UNC79: variants seen among roughly 807,000 people sequenced by gnomAD.
The protein encoded by UNC79 is protein unc-79 homolog.
UNC79 carries 37 observed loss-of-function variants against 283.1 expected under a neutral mutation model. The observed-to-expected ratio is 0.13, with a 90% CI of 0.10 to 0.17. UNC79 has a LOEUF of 0.17. UNC79 is among the 10% of genes least tolerant of loss of function. The pLI is 1.00. For synonymous variants in UNC79, 1,107 were observed against 1,200.2 expected (o/e 0.92, Z 1.61); for missense variants, 2,272 against 3,211.1 (o/e 0.71, Z 7.07).
At chr14:93,495,331 G>A (rs937396715) in intron 5 of UNC79, among the ~76,000 whole-genome samples, 6 of 152,214 alleles carry the variant, frequency 3.9e-5, no homozygotes, top group African/African-American at 9.6e-5. Flanking sequence ...GTGGCAGCAA[G>A]TGCAGGGAAA....
exon 9 of UNC79, chr14:93,528,626 A>G: frequency 6.2e-7 from 1 of 1,613,930 alleles, no homozygotes; most frequent in Admixed American, 1.7e-5. Flanking sequence ...TCTGTGAAGA[A>G]TGCAGCGAGA....
In UNC79 at chr14:93,450,092, A is replaced by G. The variant is rs375167820; in HGVS notation, c.23-17579A>G. Among the ~76,000 whole-genome samples, 13 of 152,296 alleles carry G rather than the reference A, an allele frequency of 8.5e-5. No individual in the cohort carries two copies. The East Asian group carries it at 2.1e-3, about 25-fold the overall frequency. On this transcript the variant is annotated intron_variant, in intron 1 of 48. Transcript: ENST00000555664. ...AGTCAGAAGTGAGTCCTGGGAAAGAAGGAGTTCATCCCAGTTGAGGCTTTG... is the reference window on the plus strand; with the variant it reads ...AGTCAGAAGTGAGTCCTGGGAAAGAGGGAGTTCATCCCAGTTGAGGCTTTG...
chr14:93,595,626 GCC>G (rs2065024486), intron 23 of UNC79, among the ~76,000 whole-genome samples: 1 of 151,886 alleles, frequency 6.6e-6, no homozygotes, highest in African/African-American at 2.4e-5. Flanking sequence ...TTCCTTTAAG[GCC>G]CTACACAAAT....
rs544729071 is a variant in UNC79, at chr14:93,486,499, C to G, written c.620-1164C>G. On this transcript the variant is annotated intron_variant, in intron 4 of 48. Coordinates refer to ENST00000555664, the Ensembl canonical transcript of UNC79. Reference sequence around the variant, plus strand: ...GTGAAACCCATCTCTTCTAAAAATACAAAAATTAGCCGGGTGTGGGGGCAG... The same window carrying G: ...GTGAAACCCATCTCTTCTAAAAATAGAAAAATTAGCCGGGTGTGGGGGCAG... Among the ~76,000 whole-genome samples the G allele has an allele frequency of 1.3e-4, 20 of 151,646 alleles. No individual in the cohort carries two copies. In the South Asian group the frequency reaches 1.5e-3, roughly 11 times the overall value.
At chr14:93,491,591 A>G (rs557755291) in intron 5 of UNC79, among the ~76,000 whole-genome samples, 1 of 152,328 alleles carries the variant, frequency 6.6e-6, no homozygotes, top group South Asian at 2.1e-4. Flanking sequence ...GTCCTCATCT[A>G]TAAAATGGAA....
At chr14:93,631,018 G>A (rs1055751997) in intron 31 of UNC79, 110 bp downstream of exon 33, 3 of 1,005,186 alleles carry the variant, frequency 3.0e-6, no homozygotes, top group South Asian at 1.5e-5. Flanking sequence ...TTTTAATGTT[G>A]CATCAGCTTC....
At chr14:93,426,333 C>T (rs753922354), upstream of UNC79, among the ~76,000 whole-genome samples, 37 of 151,560 alleles carry the variant, frequency 2.4e-4, no homozygotes, top group Non-Finnish European at 4.6e-4. Context: ...ATTTTTCCTG[C>T]TTGGGGGTTT....
intron 5 of UNC79, among the ~76,000 whole-genome samples, chr14:93,493,895 A>AT (rs1294529990): frequency 1.5e-3 from 53 of 35,532 alleles, no homozygotes; most frequent in African/African-American, 3.4e-3. Flanking sequence ...ATATATATAT[A>AT]TATATATTTT....
chr14:93,690,788 C>A lies in UNC79; in HGVS notation c.7272+485C>A. ...AAAGCACACATTGGCATGACCTACA[C>A]AGGGGAACTTTGTAAATTGCAGAGA... On this transcript the variant is annotated intron_variant, in intron 45 of 48. Coordinates refer to ENST00000555664, the Ensembl canonical transcript of UNC79. The surrounding 1 kb of genome is among the most constrained non-coding windows in gnomAD (Gnocchi z 4.3). The A allele has an allele frequency of 6.3e-6, 1 of 157,746 alleles. No individual in the cohort carries two copies. Among genetic ancestry groups the A allele is most frequent in the Non-Finnish European group, 1.4e-5 (1 of 71,604 alleles). The allele number at this position is 157,746 out of a possible 1,614,324, so 9.8% of individuals were successfully genotyped here.
intron 30 of UNC79, among the ~76,000 whole-genome samples, chr14:93,629,995 G>T (rs2067893002): frequency 6.6e-6 from 1 of 152,204 alleles, no homozygotes; most frequent in African/African-American, 2.4e-5. Context: ...TAGTTACCTA[G>T]AATAATGTGG....
chr14:93,467,655 T>A lies in UNC79; in HGVS notation c.23-16T>A. On this transcript the variant is annotated splice_polypyrimidine_tract_variant and intron_variant, in intron 1 of 48. Coordinates refer to ENST00000555664, the Ensembl canonical transcript of UNC79. ...TTTTTTTTTTTTTTTTTTTTTTTTTTTTTGCTTTTATCTAGTTGCTTCCAA... is the reference window on the plus strand; with the variant it reads ...TTTTTTTTTTTTTTTTTTTTTTTTTATTTGCTTTTATCTAGTTGCTTCCAA... 8.6e-7 allele frequency: 1 copy of A among 1,157,452 alleles called. No homozygotes were observed. The highest frequency in any genetic ancestry group is 1.1e-6 in the Non-Finnish European group (1 of 943,396). The allele number at this position is 1,157,452 out of a possible 1,614,324, so 71.7% of individuals were successfully genotyped here. A position where few individuals can be genotyped will look rare whatever the true frequency, so the allele number is the denominator to read the frequency against.
chr14:93,667,704 A>T (rs781416898), intron 40 of UNC79, among the ~76,000 whole-genome samples: 6 of 152,220 alleles, frequency 3.9e-5, no homozygotes, highest in African/African-American at 7.2e-5. Context: ...TAGAATTTTG[A>T]TATCAACCAG....
intron 2 of UNC79, among the ~76,000 whole-genome samples, chr14:93,472,099 A>G (rs2057541659): frequency 6.6e-6 from 1 of 152,126 alleles, no homozygotes; most frequent in Non-Finnish European, 1.5e-5. Context: ...TACCACTTCT[A>G]TAAGATTCAC....
chr14:93,688,347 A>G lies in UNC79; in HGVS notation c.6910-318A>G, dbSNP rs2074410337. 6.6e-6 allele frequency among the ~76,000 whole-genome samples: 1 copy of G among 152,128 alleles called. No individual in the cohort carries two copies. On this transcript the variant is annotated intron_variant, in intron 43 of 48. Transcript: ENST00000555664. This position sits in a 1 kb window ranked among gnomAD's most constrained non-coding sequence, Gnocchi z 4.0. ...GTTACATTTGAGCTAAAACCTGAAC[A>G]ATTAGGTGAAGAGAGGCAGGAATGG...
Position 93,466,788 on chromosome 14 carries a change from T to C in UNC79, c.23-883T>C, listed in dbSNP as rs905173788. The C allele has an allele frequency of 1.1e-5, 10 of 931,706 alleles. No homozygotes were observed. In the African/African-American group the frequency reaches 1.6e-4, roughly 15 times the overall value. The allele number at this position is 931,706 out of a possible 1,614,324, so 57.7% of individuals were successfully genotyped here. The stretch of plus-strand genomic sequence containing the variant: ...TGTGGAAGAGGAGACCAGAGAGACG[T>C]TGATCATCATGGCTCCTTGGGATTT... On this transcript the variant is annotated intron_variant, in intron 1 of 48. Transcript: ENST00000555664.
intron 3 of UNC79, among the ~76,000 whole-genome samples, chr14:93,476,187 C>T (rs1471414442): frequency 6.6e-6 from 1 of 152,090 alleles, no homozygotes; most frequent in African/African-American, 2.4e-5. Flanking sequence ...AGCCGCTGCA[C>T]TAAGACCGGA....
At chr14:93,402,108 T>A (rs975117161) in intron 1 of UNC79, among the ~76,000 whole-genome samples, 2 of 151,832 alleles carry the variant, frequency 1.3e-5, no homozygotes, top group African/African-American at 4.8e-5. Context: ...TGAAACCCCA[T>A]CTCCACTAAA....
chr14:93,671,453 A>G (rs2140614690), intron 40 of UNC79, among the ~76,000 whole-genome samples: 1 of 152,236 alleles, frequency 6.6e-6, no homozygotes, highest in Middle Eastern at 3.4e-3. Flanking sequence ...CAGAATATAC[A>G]AGGAACTCAA....
chr14:93,353,489 T>C (rs2139918822), intron 1 of UNC79, among the ~76,000 whole-genome samples: 1 of 152,376 alleles, frequency 6.6e-6, no homozygotes, highest in East Asian at 1.9e-4. Flanking sequence ...TAGCCTCTCT[T>C]TTTTTCTGTT....
Sources: allele counts gnomAD v4.1 joint callset (sites outside exome capture counted in the v4.1 genomes callset), GRCh38; gene constraint gnomAD v4.1.1; non-coding constraint Gnocchi (gnomAD v3.1); transcripts MANE v1.5; gene names NCBI Gene and HGNC (gene_info 2026-07-23, HGNC 2026-07-21).